Variants in HDAC9 observed in about 807,000 individuals in gnomAD.
HDAC9 encodes the protein MEF-2 interacting transcription repressor (MITR) protein.
A neutral mutation model predicts 139.4 loss-of-function variants in HDAC9; 41 were observed. The ratio of observed to expected loss-of-function variants is 0.29; its 90% confidence interval spans 0.23 to 0.38. The LOEUF (loss-of-function observed/expected upper bound fraction) is 0.38. Ranked by LOEUF, HDAC9 falls within the 10% of genes least tolerant of loss-of-function variation. HDAC9 has a pLI of 1.00. For missense variants in HDAC9, 1,147 were observed against 1,297.0 expected (o/e 0.88, Z 1.78); for synonymous variants, 517 against 476.2 (o/e 1.09, Z -1.12).
At chr7:18,682,713 T>A (rs1781974300) in intron 12 of HDAC9, among the ~76,000 whole-genome samples, 1 of 151,996 alleles carries the variant, frequency 6.6e-6, no homozygotes, top group East Asian at 1.9e-4. Flanking sequence ...GACAGTTAAT[T>A]CAGAAATAGA....
At chr7:18,555,185 G>A (rs1256535023) in intron 2 of HDAC9, among the ~76,000 whole-genome samples, 67 of 152,136 alleles carry the variant, frequency 4.4e-4, no homozygotes, top group Admixed American at 4.4e-3. Context: ...TTGGTACAAT[G>A]CTTTTGGAAA....
At chr7:18,606,679 G>A (rs948159483) in intron 6 of HDAC9, among the ~76,000 whole-genome samples, 5 of 151,982 alleles carry the variant, frequency 3.3e-5, no homozygotes, top group African/African-American at 1.2e-4. Context: ...TTCAAAATAA[G>A]ACTCACTTTT....
intron 1 of HDAC9, among the ~76,000 whole-genome samples, chr7:18,478,553 C>T (rs921952792): frequency 6.6e-6 from 1 of 151,880 alleles, no homozygotes; most frequent in Non-Finnish European, 1.5e-5. Flanking sequence ...AATGAGAAAA[C>T]CTTGAAAAGA....
intron 17 of HDAC9, among the ~76,000 whole-genome samples, chr7:18,800,401 C>A (rs932104096): frequency 2.0e-5 from 3 of 152,138 alleles, no homozygotes; most frequent in Non-Finnish European, 4.4e-5. Context: ...TGAAACATTC[C>A]ATGAGAGGTT....
chr7:18,841,133 T>C, intron 21 of HDAC9, among the ~76,000 whole-genome samples: 1 of 152,200 alleles, frequency 6.6e-6, no homozygotes, highest in Middle Eastern at 3.4e-3. Flanking sequence ...TTATAAAATA[T>C]ATCATCATTA....
rs1351080632 is a variant in HDAC9, at chr7:18,668,371, T to C, written c.1731+1895T>C. Reference sequence around the variant, plus strand: ...ATATGGCATGCCTAAGATAAAATTGTATATTTTTTCCATCTCATAAATATT... The same window carrying C: ...ATATGGCATGCCTAAGATAAAATTGCATATTTTTTCCATCTCATAAATATT... On this transcript the variant is annotated intron_variant, in intron 12 of 25. Coordinates refer to ENST00000686413, the MANE Select transcript of HDAC9 (RefSeq NM_178425.4). 3.2e-6 allele frequency: 3 copies of C among 932,970 alleles called. No homozygotes were observed. In the Admixed American group the frequency reaches 1.9e-4, roughly 58 times the overall value. 57.8% of individuals were successfully genotyped at this position (932,970 alleles called of 1,614,324 possible).
intron 21 of HDAC9, among the ~76,000 whole-genome samples, chr7:18,854,450 A>G (rs1254161698): frequency 5.9e-5 from 9 of 152,178 alleles, no homozygotes; most frequent in Admixed American, 5.9e-4. Flanking sequence ...GACGTTGATA[A>G]TGGTCATTTA....
At chr7:18,744,550 C>A (rs930240409) in intron 13 of HDAC9, among the ~76,000 whole-genome samples, 6 of 152,054 alleles carry the variant, frequency 3.9e-5, no homozygotes, top group African/African-American at 1.2e-4. Context: ...TTAGGAACTA[C>A]AAATCAGGAT....
intron 21 of HDAC9, among the ~76,000 whole-genome samples, chr7:18,863,384 G>T (rs552929352): frequency 6.6e-6 from 1 of 152,308 alleles, no homozygotes; most frequent in Non-Finnish European, 1.5e-5. Flanking sequence ...GCCCAGGATG[G>T]CTTTGAACGT....
chr7:18,925,548 T>A (rs1198637275), intron 22 of HDAC9, among the ~76,000 whole-genome samples: 1 of 152,122 alleles, frequency 6.6e-6, no homozygotes, highest in East Asian at 1.9e-4. Flanking sequence ...ACAATTATTT[T>A]TTGAGTCCTC....
At chr7:18,108,329 A>T (rs1783366775) in intron 1 of HDAC9, among the ~76,000 whole-genome samples, 1 of 152,114 alleles carries the variant, frequency 6.6e-6, no homozygotes, top group Non-Finnish European at 1.5e-5. Context: ...GTATATGGAG[A>T]TGGGCGCCAT....
chr7:18,937,125 C>T (rs1226396849), intron 23 of HDAC9, among the ~76,000 whole-genome samples: 6 of 148,728 alleles, frequency 4.0e-5, no homozygotes, highest in African/African-American at 1.5e-4. Flanking sequence ...CTGCAACCTC[C>T]GCCACCCGGG....
At chr7:18,623,707 G>T (rs1840845515) in intron 6 of HDAC9, among the ~76,000 whole-genome samples, 1 of 152,176 alleles carries the variant, frequency 6.6e-6, no homozygotes, top group Non-Finnish European at 1.5e-5. Flanking sequence ...ACTTTGGCAG[G>T]CCAAGGCGGG....
At chr7:18,352,193 G>A (rs1782900959) in intron 1 of HDAC9, among the ~76,000 whole-genome samples, 1 of 152,140 alleles carries the variant, frequency 6.6e-6, no homozygotes, top group Non-Finnish European at 1.5e-5. Context: ...TCCTTAGGCT[G>A]TCTGTTTAAT....
intron 1 of HDAC9, among the ~76,000 whole-genome samples, chr7:18,144,148 T>TATGA (rs1786120578): frequency 6.6e-6 from 1 of 152,178 alleles, no homozygotes; most frequent in Non-Finnish European, 1.5e-5. Context: ...ATTTTCTGAT[T>TATGA]ATGAATAATA....
intron 2 of HDAC9, among the ~76,000 whole-genome samples, chr7:18,224,208 A>G (rs1480248603): frequency 6.6e-6 from 1 of 152,118 alleles, no homozygotes; most frequent in Non-Finnish European, 1.5e-5. Context: ...GTCCATTTTT[A>G]TGAATATTAT....
intron 2 of HDAC9, among the ~76,000 whole-genome samples, chr7:18,527,552 C>T (rs941302778): frequency 2.6e-5 from 4 of 151,906 alleles, no homozygotes; most frequent in Non-Finnish European, 5.9e-5. Flanking sequence ...TTGGTTTTAT[C>T]TAAATTAGCA....
At chr7:18,351,028 G>A (rs1474388770) in intron 1 of HDAC9, among the ~76,000 whole-genome samples, 2 of 152,112 alleles carry the variant, frequency 1.3e-5, no homozygotes, top group African/African-American at 4.8e-5. Context: ...GGTCTGTGAC[G>A]GAGCCTCTGT....
At chr7:18,607,962 T>A (rs1429996816) in intron 6 of HDAC9, among the ~76,000 whole-genome samples, 1 of 152,112 alleles carries the variant, frequency 6.6e-6, no homozygotes, top group Non-Finnish European at 1.5e-5. Flanking sequence ...AGGCAGGACA[T>A]TTTAGATAAG....
Sources: allele counts gnomAD v4.1 joint callset (sites outside exome capture counted in the v4.1 genomes callset), GRCh38; gene constraint gnomAD v4.1.1; transcripts MANE v1.5; gene names NCBI Gene and HGNC (gene_info 2026-07-23, HGNC 2026-07-21).